Variants in TUBB3 observed in about 807,000 individuals in gnomAD.
TUBB3 encodes the protein tubulin beta 3 class III, also known as tubulin beta-3 chain.
Under a neutral mutation model 37.8 loss-of-function variants are expected in TUBB3, and 17 were observed. The observed-to-expected ratio is 0.45, with a 90% confidence interval of 0.31 to 0.67. TUBB3 has a LOEUF of 0.67. TUBB3 is among the 30% of genes least tolerant of loss of function. TUBB3 has a pLI of 0.07. For missense variants in TUBB3, 262 were observed against 657.9 expected (o/e 0.40, Z 6.58); for synonymous variants, 332 against 278.9 (o/e 1.19, Z -1.90).
chr16:89,924,234 G>GGC (rs372082376), intron 1 of TUBB3, among the ~76,000 whole-genome samples: 51 of 152,362 alleles, frequency 3.3e-4, no homozygotes, highest in African/African-American at 1.0e-3. Context: ...CGCAGAAAGG[G>GGC]GCGTTGGTGC....
At chr16:89,933,643 C>T (rs1243017428) in intron 3 of TUBB3, 65 bp downstream of exon 3, 19 of 1,254,870 alleles carry the variant, frequency 1.5e-5, no homozygotes, top group East Asian at 9.2e-5. Context: ...GGTCGGTGGA[C>T]GGGGACGGCT....
chr16:89,923,614 C>T (rs1004625880), intron 1 of TUBB3, among the ~76,000 whole-genome samples, 156 bp downstream of exon 1: 3 of 152,122 alleles, frequency 2.0e-5, no homozygotes, highest in African/African-American at 7.2e-5. Flanking sequence ...GCGGGGCCCC[C>T]GCCCTGGGAC....
chr16:89,923,856 T>TG (rs1470400152), intron 1 of TUBB3, among the ~76,000 whole-genome samples: 5 of 149,916 alleles, frequency 3.3e-5, no homozygotes, highest in South Asian at 2.1e-4. Flanking sequence ...TTGGGTGGGG[T>TG]GGGGGGTTCT....
intron 2 of TUBB3, chr16:89,933,203 C>T: frequency 1.5e-6 from 1 of 673,834 alleles, no homozygotes; most frequent in Non-Finnish European, 2.7e-6. Context: ...GTTGGGAGTG[C>T]AGACACGAGC....
upstream of TUBB3, chr16:89,923,288 C>T (rs1223450539): frequency 1.2e-5 from 10 of 857,906 alleles, no homozygotes; most frequent in Non-Finnish European, 1.6e-5. Context: ...TGACATCAGC[C>T]GATGCGAAGG....
chr16:89,924,826 C>A (rs1364180124), intron 1 of TUBB3, among the ~76,000 whole-genome samples: 1 of 151,998 alleles, frequency 6.6e-6, no homozygotes, highest in Non-Finnish European at 1.5e-5. Context: ...AACCAGGACT[C>A]CCGGAGCAGC....
At chr16:89,922,612 G>C (rs1031406452), upstream of TUBB3, 1 of 152,292 alleles carries the variant, frequency 6.6e-6, no homozygotes, top group African/African-American at 2.4e-5. Context: ...TCCTGACACG[G>C]ATGCGCACCG....
chr16:89,932,517 C>A, intron 1 of TUBB3, 54 bp from the exon 2 acceptor site: 2 of 1,477,760 alleles, frequency 1.4e-6, no homozygotes, highest in Non-Finnish European at 1.9e-6. Flanking sequence ...AGGGAAAGGG[C>A]CTGGCTGGGG....
At position 89,933,130 on chromosome 16, in the gene TUBB3, G is replaced by T. The variant is rs1288614149; in HGVS notation, c.167-338G>T. Reference sequence around the variant, plus strand: ...AATTTAATAGAGACAGTCTCGATATGTTGCCCAGGCTGGTCTCGAACTCCT... The same window carrying T: ...AATTTAATAGAGACAGTCTCGATATTTTGCCCAGGCTGGTCTCGAACTCCT... On this transcript the variant is annotated intron_variant, in intron 2 of 3. Transcript: ENST00000315491. 3 of 589,344 alleles carry T rather than the reference G, an allele frequency of 5.1e-6. No individual in the cohort carries two copies. In the African/African-American group the frequency reaches 5.5e-5, roughly 11 times the overall value. The allele number at this position is 589,344 out of a possible 1,614,324, so 36.5% of individuals were successfully genotyped here.
intron 1 of TUBB3, among the ~76,000 whole-genome samples, chr16:89,929,812 C>T (rs552309411): frequency 5.3e-5 from 8 of 152,180 alleles, no homozygotes; most frequent in East Asian, 3.9e-4. Flanking sequence ...TGTGATTCTC[C>T]GCCTCAGCCT....
rs904651316 is a variant in TUBB3, at chr16:89,934,625, G to T, written c.278-104G>T. 10 of 1,139,210 alleles carry T rather than the reference G, an allele frequency of 8.8e-6. No individual in the cohort carries two copies. In the South Asian group the frequency reaches 1.1e-4, roughly 12 times the overall value. 70.6% of individuals were successfully genotyped at this position (1,139,210 alleles called of 1,614,324 possible). A position where few individuals can be genotyped will look rare whatever the true frequency, so the allele number is the denominator to read the frequency against. ...GCCTACTTTACAGAAGACAGAACAG[G>T]CATGGGGCTGCCACGGCTGCCCTTG... On this transcript the variant is annotated intron_variant, in intron 3 of 3. Transcript: ENST00000315491.
chr16:89,933,236 A>T (rs761743313), intron 2 of TUBB3: 15 of 694,166 alleles, frequency 2.2e-5, no homozygotes, highest in Middle Eastern at 4.6e-4. Context: ...TGGACGTCTG[A>T]CTGAATCCTG....
At chr16:89,933,675 G>GC in intron 3 of TUBB3, 97 bp downstream of exon 3, 1 of 938,782 alleles carries the variant, frequency 1.1e-6, no homozygotes, top group East Asian at 2.4e-5. Context: ...GGAATGGTCA[G>GC]CTCCTCACAT....
chr16:89,923,215 C>T, upstream of TUBB3: 1 of 242,390 alleles, frequency 4.1e-6, no homozygotes, highest in Non-Finnish European at 7.6e-6. Context: ...CGGGGACGCG[C>T]GGTGCGGAGC....
rs2029963544 is a variant in TUBB3, at chr16:89,923,575, C to T, written c.57+117C>T. 1.2e-5 allele frequency: 12 copies of T among 991,254 alleles called. No homozygotes were observed. The East Asian group carries it at 4.6e-4, about 38-fold the overall frequency. The allele number at this position is 991,254 out of a possible 1,614,324, so 61.4% of individuals were successfully genotyped here. ...CCTGCGAACCTGCAACAAAGGGATG[C>T]GCCCAGCGCCGCGCCGGGCGGCCGG... On this transcript the variant is annotated intron_variant, in intron 1 of 3. Coordinates refer to ENST00000315491, the MANE Select transcript of TUBB3 (RefSeq NM_006086.4).
In TUBB3 at chr16:89,933,198, G is replaced by T. The variant is rs1262184046; in HGVS notation, c.167-270G>T. On this transcript the variant is annotated intron_variant, in intron 2 of 3. Coordinates refer to ENST00000315491, the MANE Select transcript of TUBB3 (RefSeq NM_006086.4). ...CTGCCTTGGCCTCCCAAAGTGTTGG[G>T]AGTGCAGACACGAGCCCCTGCATCT... 12 of 671,692 alleles carry T rather than the reference G, an allele frequency of 1.8e-5. No individual in the cohort carries two copies. In the East Asian group the frequency reaches 3.5e-4, roughly 20 times the overall value. 41.6% of individuals were successfully genotyped at this position (671,692 alleles called of 1,614,324 possible).
chr16:89,933,535 A>G lies in TUBB3; in HGVS notation c.234A>G (p.Ser78=), dbSNP rs749192998. The change falls in exon 3 of 4, where the codon TCA becomes TCG. Residue 78 remains serine (S), a synonymous_variant. Transcript: ENST00000315491. ...LEPGTMDSVR[S]GAFGHLFRPD... is the part of the protein sequence containing the mutation. Reference sequence around the variant, plus strand: ...CCGGAACCATGGACAGTGTCCGCTCAGGGGCCTTTGGACATCTCTTCAGGC... The same window carrying G: ...CCGGAACCATGGACAGTGTCCGCTCGGGGGCCTTTGGACATCTCTTCAGGC... 3 of 1,614,138 alleles carry G rather than the reference A, an allele frequency of 1.9e-6. No homozygotes were observed. Among genetic ancestry groups the G allele is most frequent in the Non-Finnish European group, 2.5e-6 (3 of 1,180,030 alleles).
At position 89,935,296 on chromosome 16, in the gene TUBB3, G is replaced by A. The variant is rs1064795231; in HGVS notation, c.845G>A (p.Arg282Gln). The change falls in exon 4 of 4, where the codon CGG (arginine) becomes CAG (glutamine). Residue 282 changes from arginine to glutamine, a missense_variant. Arg to Gln is a conservative substitution (Grantham distance 43). Around this residue, in one of 3 missense-constraint regions of TUBB3, gnomAD observed 165 missense variants for 556.8 expected, o/e 0.30. Coordinates refer to ENST00000315491, the MANE Select transcript of TUBB3 (RefSeq NM_006086.4). Reference sequence around the variant, plus strand: ...ACAGCCCGGGGCAGCCAGCAGTACCGGGCCCTGACCGTGCCCGAGCTCACC... The same window carrying A: ...ACAGCCCGGGGCAGCCAGCAGTACCAGGCCCTGACCGTGCCCGAGCTCACC... ...PLTARGSQQY[R>Q]ALTVPELTQQ... is the part of the protein sequence containing the mutation. 2 of 1,613,682 alleles carry A rather than the reference G, an allele frequency of 1.2e-6. No homozygotes were observed. Among genetic ancestry groups the A allele is most frequent in the Non-Finnish European group, 1.7e-6 (2 of 1,179,946 alleles).
At chr16:89,932,794 TG>T (rs1218523167) in intron 2 of TUBB3, 115 bp downstream of exon 2, 4 of 839,612 alleles carry the variant, frequency 4.8e-6, no homozygotes, top group Non-Finnish European at 5.9e-6. Flanking sequence ...TGTCCTCCCA[TG>T]GGTTAGGTTG....
Sources: allele counts gnomAD v4.1 joint callset (sites outside exome capture counted in the v4.1 genomes callset), GRCh38; gene constraint gnomAD v4.1.1; regional missense constraint gnomAD v4.1.1; transcripts MANE v1.5; gene names NCBI Gene and HGNC (gene_info 2026-07-23, HGNC 2026-07-21).